CUX1: variants seen among roughly 807,000 people sequenced by gnomAD.
CUX1 encodes cut like homeobox 1, also known as protein CASP.
Under a neutral mutation model 158.8 loss-of-function variants are expected in CUX1, and 31 were observed. That is an observed-to-expected ratio of 0.20 (90% CI 0.15 to 0.26). CUX1 has a LOEUF of 0.26. Ranked by LOEUF, CUX1 falls within the 10% of genes least tolerant of loss-of-function variation. The pLI is 1.00. For missense variants in CUX1, 1,589 were observed against 2,014.6 expected, an observed-to-expected ratio of 0.79 and a Z score of 4.04; for synonymous variants, 879 against 862.1, an observed-to-expected ratio of 1.02 and a Z score of -0.34.
intron 8 of CUX1, among the ~76,000 whole-genome samples, chr7:102,143,872 TC>T (rs1834735637): frequency 1.3e-5 from 2 of 152,112 alleles, no homozygotes; most frequent in South Asian, 4.2e-4. Context: ...AGCCTCCACC[TC>T]CTGGGTTCAA....
intron 1 of CUX1, among the ~76,000 whole-genome samples, chr7:101,818,372 T>C (rs1250684368): frequency 1.3e-5 from 2 of 152,216 alleles, no homozygotes; most frequent in African/African-American, 4.8e-5. Flanking sequence ...CTTGTCTTCC[T>C]AAATGTGACA....
chr7:102,066,081 G>A (rs1206381452), intron 3 of CUX1, among the ~76,000 whole-genome samples: 2 of 152,094 alleles, frequency 1.3e-5, no homozygotes, highest in African/African-American at 4.8e-5. Context: ...CAGCCACCAC[G>A]CCCGGCTCAG....
chr7:102,254,995 C>G lies in CUX1; in HGVS notation c.*5953C>G, dbSNP rs1171816097. 2 of 985,318 alleles carry G rather than the reference C, an allele frequency of 2.0e-6. No homozygotes were observed. The highest frequency in any genetic ancestry group is 1.7e-5 in the African/African-American group (1 of 57,224). The allele number at this position is 985,318 out of a possible 1,614,324, so 61.0% of individuals were successfully genotyped here. On this transcript the variant is annotated 3_prime_UTR_variant, in exon 24 of 24. Coordinates refer to ENST00000292535, the MANE Select transcript of CUX1 (RefSeq NM_181552.4). ...AGAGATGGGCTGAAAGTTAAGTCCACCAACCCTTGGGCTTAATCAGGACGG... is the reference window on the plus strand; with the variant it reads ...AGAGATGGGCTGAAAGTTAAGTCCAGCAACCCTTGGGCTTAATCAGGACGG...
At position 102,127,903 on chromosome 7, in the gene CUX1, C is replaced by T. The variant is rs188778450; in HGVS notation, c.674+12630C>T. On this transcript the variant is annotated intron_variant, in intron 8 of 23. Coordinates refer to ENST00000292535, the MANE Select transcript of CUX1 (RefSeq NM_181552.4). ...TGCTCTGTCACCCAGGCTGGAGTGC[C>T]GTGGCATGATCTCGGCTCACTGCAA... Among the ~76,000 whole-genome samples the T allele has an allele frequency of 3.3e-5, 5 of 152,072 alleles. No homozygotes were observed. The East Asian group carries it at 9.7e-4, about 29-fold the overall frequency.
intron 8 of CUX1, among the ~76,000 whole-genome samples, chr7:102,134,941 T>C (rs1554498324): frequency 1.3e-5 from 2 of 152,138 alleles, no homozygotes; most frequent in African/African-American, 4.8e-5. Context: ...CCTGTAAAAA[T>C]GGGTACAGTG....
At chr7:102,168,918 C>CTTTTTTT (rs1239519322) in intron 9 of CUX1, among the ~76,000 whole-genome samples, 44 of 84,100 alleles carry the variant, frequency 5.2e-4, no homozygotes, top group African/African-American at 8.3e-4. Flanking sequence ...CTTTTATTTT[C>CTTTTTTT]TTTTCTTTTC....
intron 2 of CUX1, among the ~76,000 whole-genome samples, chr7:101,973,770 C>CT (rs546846196): frequency 0.04 from 5,491 of 137,304 alleles, 120 homozygotes; most frequent in South Asian, 0.058. Flanking sequence ...TTTTCTTTTT[C>CT]TTTTTTTTTT....
At chr7:102,041,045 T>A (rs888536142) in intron 3 of CUX1, among the ~76,000 whole-genome samples, 2 of 151,832 alleles carry the variant, frequency 1.3e-5, no homozygotes, top group African/African-American at 2.4e-5. Context: ...TACCAGCACT[T>A]TGGGAGGCTG....
chr7:102,138,851 C>G (rs1476818061), intron 8 of CUX1, among the ~76,000 whole-genome samples: 1 of 152,156 alleles, frequency 6.6e-6, no homozygotes, highest in Non-Finnish European at 1.5e-5. Flanking sequence ...AGGTATGCCA[C>G]GTAGATCCCA....
chr7:101,979,115 C>T (rs1813091515), intron 2 of CUX1, among the ~76,000 whole-genome samples: 1 of 152,180 alleles, frequency 6.6e-6, no homozygotes, highest in South Asian at 2.1e-4. Context: ...AAATCCTGGG[C>T]AAGCAGTGCA....
chr7:102,012,748 A>G (rs1818179626), intron 2 of CUX1, among the ~76,000 whole-genome samples: 1 of 151,952 alleles, frequency 6.6e-6, no homozygotes, highest in Admixed American at 6.6e-5. Context: ...GTCTCTCAGT[A>G]CAAATTTAAT....
chr7:102,014,115 T>C (rs1403964907), intron 2 of CUX1, among the ~76,000 whole-genome samples: 1 of 152,176 alleles, frequency 6.6e-6, no homozygotes, highest in East Asian at 1.9e-4. Flanking sequence ...TCCAAGCAGC[T>C]TCTAAACTGT....
At chr7:102,079,921 AG>A (rs1286748716) in intron 4 of CUX1, among the ~76,000 whole-genome samples, 1 of 152,094 alleles carries the variant, frequency 6.6e-6, no homozygotes, top group Non-Finnish European at 1.5e-5. Flanking sequence ...AGTTACACTC[AG>A]GCTCCGGCAT....
chr7:101,950,099 C>T (rs1808876226), intron 2 of CUX1, among the ~76,000 whole-genome samples: 1 of 152,006 alleles, frequency 6.6e-6, no homozygotes, highest in South Asian at 2.1e-4. Flanking sequence ...TAACCTCCGC[C>T]TCCTGGGTTT....
chr7:101,854,404 G>A (rs1796575030), intron 1 of CUX1, among the ~76,000 whole-genome samples: 1 of 152,158 alleles, frequency 6.6e-6, no homozygotes, highest in South Asian at 2.1e-4. Flanking sequence ...GTGGTGATGG[G>A]ATGAGGAAGC....
intron 20 of CUX1, among the ~76,000 whole-genome samples, chr7:102,209,055 G>A (rs945402181): frequency 1.3e-5 from 2 of 152,138 alleles, no homozygotes; most frequent in African/African-American, 2.4e-5. Flanking sequence ...CTCTGTGCTC[G>A]GTTACCATGG....
At chr7:101,829,732 G>C (rs1793768347) in intron 1 of CUX1, among the ~76,000 whole-genome samples, 1 of 152,208 alleles carries the variant, frequency 6.6e-6, no homozygotes, top group Admixed American at 6.5e-5. Flanking sequence ...ACGCCTGGCT[G>C]GAGCCTTGCC....
downstream of CUX1, among the ~76,000 whole-genome samples, chr7:102,261,468 T>C (rs1384749375): frequency 6.6e-6 from 1 of 151,742 alleles, no homozygotes; most frequent in Non-Finnish European, 1.5e-5. Context: ...CACTCCAGCC[T>C]GGGCAACAGA....
chr7:102,216,825 CCACA>C lies in CUX1; in HGVS notation c.3131-10529_3131-10526del, dbSNP rs57908920. On this transcript the variant is annotated intron_variant, in intron 20 of 23. Transcript: ENST00000292535. ...ACACACCCCCACACACACTCTCCCA[CCACA>C]CACACACACACATTCTCTCTCCCTC... 9.4e-3 allele frequency among the ~76,000 whole-genome samples: 1,322 copies of C among 140,930 alleles called. 13 individuals carry two copies. Among genetic ancestry groups the C allele is most frequent in the African/African-American group, 0.032 (1,229 of 38,992 alleles). 92.5% of individuals were successfully genotyped at this position (140,930 alleles called of 152,430 possible). A position where few individuals can be genotyped will look rare whatever the true frequency, so the allele number is the denominator to read the frequency against.
Sources: gnomAD v4.1 joint callset for allele counts (sites outside exome capture counted in the v4.1 genomes callset) on GRCh38, gnomAD v4.1.1 for gene constraint, MANE v1.5 for transcripts, NCBI Gene and HGNC (gene_info 2026-07-23, HGNC 2026-07-21) for gene names.